Variants in SLC39A12 observed in about 807,000 individuals in gnomAD.
SLC39A12 encodes solute carrier family 39 member 12.
In SLC39A12, 63 loss-of-function variants were observed where a neutral mutation model predicts 71.1. The ratio of observed to expected loss-of-function variants is 0.89; its 90% CI spans 0.72 to 1.09. SLC39A12 has a LOEUF of 1.09. SLC39A12 is among the 50% of genes least tolerant of loss of function. SLC39A12 has a pLI of 0.00. For synonymous variants in SLC39A12, 351 were observed against 301.3 expected, an observed-to-expected ratio of 1.16 and a Z score of -1.71; for missense variants, 892 against 812.6, an observed-to-expected ratio of 1.10 and a Z score of -1.19.
At chr10:17,988,390 T>TTC (rs1004279529) in intron 7 of SLC39A12, among the ~76,000 whole-genome samples, 1 of 152,092 alleles carries the variant, frequency 6.6e-6, no homozygotes, top group Admixed American at 6.6e-5. Flanking sequence ...CTCTCTTGCT[T>TTC]TCTCTCTCTC....
Position 17,953,375 on chromosome 10 carries a change from T to A in SLC39A12, c.99T>A (p.Asp33Glu), listed in dbSNP as rs691112. ...AGACAGACAAACCCTCAGCCCAGGA[T>A]AGCAGAAGCCGTGGGAGTTCAGGCC... is the stretch of plus-strand genomic sequence containing the variant. The part of the protein sequence containing the change: ...STETDKPSAQ[D>E]SRSRGSSGQP... Residue 33 changes from aspartate to glutamate, a missense_variant, in exon 2 of 13, where the codon GAT (aspartate) becomes GAA (glutamate). Physicochemically the swap from Asp to Glu is conservative, Grantham distance 45. Transcript: ENST00000377369. The A allele has an allele frequency of 1.2e-6, 2 of 1,614,050 alleles. No homozygotes were observed. Among genetic ancestry groups the A allele is most frequent in the Middle Eastern group, 1.6e-4 (1 of 6,062 alleles).
chr10:18,004,510 T>C (rs956540622), intron 12 of SLC39A12: 1 of 152,156 alleles, frequency 6.6e-6, no homozygotes, highest in Non-Finnish European at 1.5e-5. Flanking sequence ...TAAGTCTTAG[T>C]AAGGGGATTC....
intron 12 of SLC39A12, among the ~76,000 whole-genome samples, chr10:18,031,232 C>T (rs1589257582): frequency 6.8e-6 from 1 of 146,642 alleles, no homozygotes; most frequent in East Asian, 2.0e-4. Flanking sequence ...CACTGACTTC[C>T]ACAATGGTTG....
chr10:17,971,514 T>G (rs1284426637), intron 4 of SLC39A12, among the ~76,000 whole-genome samples: 1 of 151,950 alleles, frequency 6.6e-6, no homozygotes, highest in Non-Finnish European at 1.5e-5. Context: ...ATCTCATCAC[T>G]CGTTATTGGA....
chr10:18,029,524 C>A (rs965540480), intron 12 of SLC39A12, among the ~76,000 whole-genome samples: 4 of 152,216 alleles, frequency 2.6e-5, no homozygotes, highest in African/African-American at 9.6e-5. Context: ...TTCAAGGTTT[C>A]CAAGTTTCTG....
intron 4 of SLC39A12, among the ~76,000 whole-genome samples, chr10:17,973,040 A>G (rs1219870991): frequency 1.3e-5 from 2 of 152,096 alleles, no homozygotes; most frequent in Non-Finnish European, 1.5e-5. Context: ...TGCAAATACT[A>G]TCTTATAATC....
Position 18,029,396 on chromosome 10 carries a change from C to G in SLC39A12, c.1948-13309C>G, listed in dbSNP as rs115341451. ...GGCAGGCCAAAGGGATGCACTTTAG[C>G]TAAAGATTTTTTATTTCCAGAAAAT... On this transcript the variant is annotated intron_variant, in intron 12 of 12. Transcript: ENST00000377369. Among the ~76,000 whole-genome samples the G allele has an allele frequency of 5.8e-3, 889 of 152,244 alleles. 11 individuals are homozygous for G. The highest frequency in any genetic ancestry group is 0.029 in the East Asian group (151 of 5,174).
intron 2 of SLC39A12, among the ~76,000 whole-genome samples, chr10:17,957,711 C>T (rs1834585450): frequency 6.6e-6 from 1 of 152,124 alleles, no homozygotes; most frequent in Non-Finnish European, 1.5e-5. Context: ...TGTCCTCATC[C>T]AACAGCCCCA....
chr10:17,952,574 G>A lies in SLC39A12; in HGVS notation c.-87+549G>A, dbSNP rs567599531. ...ACGATCTTGGCTCACTGCAACCCCCGCCTCCCGGGTTCAAGCAATTCTTCT... is the reference window on the plus strand; with the variant it reads ...ACGATCTTGGCTCACTGCAACCCCCACCTCCCGGGTTCAAGCAATTCTTCT... On this transcript the variant is annotated intron_variant, in intron 1 of 12. Transcript: ENST00000377369. Among the ~76,000 whole-genome samples the A allele has an allele frequency of 1.1e-4, 16 of 145,890 alleles. No individual in the cohort carries two copies. In the South Asian group the frequency reaches 1.3e-3, roughly 12 times the overall value.
chr10:18,035,858 C>T (rs7085213), intron 12 of SLC39A12, among the ~76,000 whole-genome samples: 7,004 of 152,184 alleles, frequency 0.046, 567 homozygotes, highest in African/African-American at 0.16. Flanking sequence ...TTTAGTTTTC[C>T]GTCTAACAGA....
intron 2 of SLC39A12, 84 bp from the exon 3 acceptor site, chr10:17,961,497 T>G: frequency 7.6e-7 from 1 of 1,320,240 alleles, no homozygotes; most frequent in Non-Finnish European, 1.0e-6. Flanking sequence ...TGATAAGCAA[T>G]GAAGACCCTG....
At chr10:17,959,416 T>G (rs1554848092) in intron 2 of SLC39A12, among the ~76,000 whole-genome samples, 1 of 152,176 alleles carries the variant, frequency 6.6e-6, no homozygotes, top group East Asian at 1.9e-4. Context: ...ATGCTTTGAT[T>G]TGGAGATGGA....
chr10:17,992,608 G>A (rs963417815), intron 8 of SLC39A12, among the ~76,000 whole-genome samples: 1 of 152,104 alleles, frequency 6.6e-6, no homozygotes. Flanking sequence ...TTCTGGGTTG[G>A]GAAAACTAAA....
At chr10:17,993,674 A>T (rs1224066972) in intron 9 of SLC39A12, among the ~76,000 whole-genome samples, 1 of 152,202 alleles carries the variant, frequency 6.6e-6, no homozygotes, top group Non-Finnish European at 1.5e-5. Flanking sequence ...GGGATTACTT[A>T]GTGCACCTAG....
chr10:18,021,897 G>A (rs1318482196), intron 12 of SLC39A12, among the ~76,000 whole-genome samples: 2 of 152,148 alleles, frequency 1.3e-5, no homozygotes, highest in African/African-American at 4.8e-5. Context: ...TGCTGGATAT[G>A]AAATTCTTGG....
At chr10:17,966,078 T>C (rs1168654551) in intron 4 of SLC39A12, among the ~76,000 whole-genome samples, 1 of 152,204 alleles carries the variant, frequency 6.6e-6, no homozygotes, top group East Asian at 1.9e-4. Flanking sequence ...TTGGCAGCAG[T>C]TTCCTTGCAA....
chr10:17,967,893 A>AT (rs1834870611), intron 4 of SLC39A12, among the ~76,000 whole-genome samples: 1 of 115,896 alleles, frequency 8.6e-6, no homozygotes, highest in South Asian at 2.8e-4. Context: ...CCTCAAAAAA[A>AT]AAAAAATATA....
At chr10:18,012,767 G>A (rs1836263301) in intron 12 of SLC39A12, among the ~76,000 whole-genome samples, 1 of 151,110 alleles carries the variant, frequency 6.6e-6, no homozygotes, top group African/African-American at 2.4e-5. Context: ...TCAGGAGGCT[G>A]AGGCAGGAGA....
intron 12 of SLC39A12, among the ~76,000 whole-genome samples, chr10:18,006,295 A>G (rs1836014831): frequency 6.6e-6 from 1 of 152,252 alleles, no homozygotes; most frequent in African/African-American, 2.4e-5. Flanking sequence ...CAAAGAAGAA[A>G]GTCCTTTCTG....
Sources: gnomAD v4.1 joint callset for allele counts (sites outside exome capture counted in the v4.1 genomes callset) on GRCh38, gnomAD v4.1.1 for gene constraint, MANE v1.5 for transcripts, NCBI Gene and HGNC (gene_info 2026-07-23, HGNC 2026-07-21) for gene names.